CSMD1: variants seen among roughly 807,000 people sequenced by gnomAD.
CSMD1 encodes the protein CUB and sushi domain-containing protein 1.
In CSMD1, 213 loss-of-function variants were observed where a neutral mutation model predicts 417.5. The observed-to-expected ratio is 0.51, with a 90% CI of 0.46 to 0.57. CSMD1 has a LOEUF of 0.57. Ranked by LOEUF, CSMD1 falls within the 20% of genes least tolerant of loss-of-function variation. The pLI is 0.00. For missense variants in CSMD1, 6,923 were observed against 4,529.7 expected, an observed-to-expected ratio of 1.53 and a Z score of -15.17; for synonymous variants, 2,862 against 1,736.8, an observed-to-expected ratio of 1.65 and a Z score of -16.11.
intron 3 of CSMD1, among the ~76,000 whole-genome samples, chr8:4,262,006 A>G (rs545249096): frequency 6.6e-6 from 1 of 152,298 alleles, no homozygotes; most frequent in South Asian, 2.1e-4. Flanking sequence ...TGAAATTCTG[A>G]GACTGCTTAA....
At chr8:3,380,552 C>A (rs11777268) in intron 18 of CSMD1, among the ~76,000 whole-genome samples, 1 of 152,026 alleles carries the variant, frequency 6.6e-6, no homozygotes, top group Non-Finnish European at 1.5e-5. Context: ...TGGAATACTA[C>A]GCAGCCATAA....
intron 1 of CSMD1, among the ~76,000 whole-genome samples, chr8:4,671,058 C>T (rs1805291578): frequency 6.6e-6 from 1 of 152,304 alleles, no homozygotes; most frequent in African/African-American, 2.4e-5. Flanking sequence ...ACAGTCATTG[C>T]AAATATTACA....
intron 5 of CSMD1, among the ~76,000 whole-genome samples, chr8:3,789,843 T>G (rs996952297): frequency 1.3e-5 from 2 of 151,388 alleles, no homozygotes; most frequent in South Asian, 4.2e-4. Context: ...ACCATTCTCC[T>G]GCCTCAGCCT....
At chr8:3,510,182 G>A (rs886209056) in intron 10 of CSMD1, among the ~76,000 whole-genome samples, 1 of 149,502 alleles carries the variant, frequency 6.7e-6, no homozygotes, top group African/African-American at 2.6e-5. Context: ...AGGCAAGTAG[G>A]GTGTGCTGTA....
At chr8:3,448,276 G>C (rs938920181) in intron 12 of CSMD1, among the ~76,000 whole-genome samples, 2 of 92,536 alleles carry the variant, frequency 2.2e-5, no homozygotes, top group African/African-American at 4.0e-5. Context: ...GGACAAAAGA[G>C]GGACACACAT....
intron 3 of CSMD1, among the ~76,000 whole-genome samples, chr8:4,333,084 T>A (rs1799967298): frequency 6.6e-6 from 1 of 152,126 alleles, no homozygotes; most frequent in Admixed American, 6.6e-5. Context: ...ACTACTTTTT[T>A]CAGGATGGAA....
intron 5 of CSMD1, among the ~76,000 whole-genome samples, chr8:3,803,519 A>G (rs1800570724): frequency 6.6e-6 from 1 of 152,152 alleles, no homozygotes; most frequent in Non-Finnish European, 1.5e-5. Context: ...CAGAAAACCC[A>G]GGGGCTGGGC....
rs766701860 is a variant in CSMD1 at position 3,639,203 on chromosome 8, A to G, written c.1010-22406T>C. On this transcript the variant is annotated intron_variant, in intron 7 of 69. Transcript: ENST00000635120. ...ACAGAGTAAGTCAGAAAGTAAAGAC[A>G]CAGGCCTTGAGGTCTCTCTGTTGGA... Among the ~76,000 whole-genome samples the G allele has an allele frequency of 1.3e-4, 20 of 152,240 alleles. 1 individual carries two copies. The highest frequency in any genetic ancestry group is 2.9e-4 in the Non-Finnish European group (20 of 68,046).
intron 3 of CSMD1, among the ~76,000 whole-genome samples, chr8:4,383,807 A>G (rs963993305): frequency 2.0e-5 from 3 of 152,244 alleles, no homozygotes; most frequent in Admixed American, 6.5e-5. Context: ...CATATATAAT[A>G]CCAAATTATT....
At position 3,523,922 on chromosome 8, in the gene CSMD1, C is replaced by T. The variant is rs528205299; in HGVS notation, c.1345-30196G>A. On this transcript the variant is annotated intron_variant, in intron 10 of 69. Transcript: ENST00000635120. ...ATGCACACATGTACACGCACACACA[C>T]ATATGCATGCACACTCAGACACGTG... Among the ~76,000 whole-genome samples the T allele has an allele frequency of 2.6e-5, 4 of 151,608 alleles. No individual in the cohort carries two copies. The South Asian group carries it at 6.2e-4, about 24-fold the overall frequency.
At chr8:3,248,158 C>G (rs73185566) in intron 26 of CSMD1, among the ~76,000 whole-genome samples, 13,354 of 152,008 alleles carry the variant, frequency 0.088, 778 homozygotes, top group Non-Finnish European at 0.12. Context: ...TGAGATGTAG[C>G]GGTGTGACAA....
intron 2 of CSMD1, among the ~76,000 whole-genome samples, chr8:4,623,064 G>A (rs1801872710): frequency 6.6e-6 from 1 of 152,100 alleles, no homozygotes; most frequent in African/African-American, 2.4e-5. Context: ...AAGGATAAAT[G>A]TTGGTGGAAG....
At chr8:3,885,614 T>C (rs1806508660) in intron 5 of CSMD1, among the ~76,000 whole-genome samples, 1 of 152,168 alleles carries the variant, frequency 6.6e-6, no homozygotes, top group African/African-American at 2.4e-5. Flanking sequence ...ATGATGAGCG[T>C]CTGCTCCTTT....
chr8:3,440,350 G>C (rs747315772), intron 12 of CSMD1, among the ~76,000 whole-genome samples: 1 of 152,118 alleles, frequency 6.6e-6, no homozygotes, highest in African/African-American at 2.4e-5. Flanking sequence ...TTCAGTCTAT[G>C]AGTCCTATAC....
chr8:4,361,478 G>C (rs576683144), intron 3 of CSMD1, among the ~76,000 whole-genome samples: 2 of 151,980 alleles, frequency 1.3e-5, no homozygotes, highest in Non-Finnish European at 1.5e-5. Flanking sequence ...CGACATTATT[G>C]CATTTCCACT....
intron 5 of CSMD1, among the ~76,000 whole-genome samples, chr8:3,961,381 C>T (rs770259085): frequency 2.0e-5 from 3 of 152,310 alleles, no homozygotes; most frequent in South Asian, 4.1e-4. Flanking sequence ...ATTATCTAGA[C>T]TCCACTGTAC....
At chr8:3,476,017 G>C (rs1367303203) in intron 11 of CSMD1, among the ~76,000 whole-genome samples, 2 of 152,278 alleles carry the variant, frequency 1.3e-5, no homozygotes, top group Admixed American at 6.5e-5. Flanking sequence ...TTGCTAAATG[G>C]TTCAATAGTT....
At chr8:4,478,353 C>T (rs1003055942) in intron 2 of CSMD1, among the ~76,000 whole-genome samples, 1 of 152,122 alleles carries the variant, frequency 6.6e-6, no homozygotes, top group Non-Finnish European at 1.5e-5. Context: ...ATCTTCTAAG[C>T]TCTGGGAAAT....
intron 5 of CSMD1, among the ~76,000 whole-genome samples, chr8:3,763,583 G>A (rs1297297972): frequency 6.6e-6 from 1 of 152,166 alleles, no homozygotes; most frequent in African/African-American, 2.4e-5. Context: ...GTTTGGTACA[G>A]CCTGTGGAAT....
Sources: gnomAD v4.1 joint callset for allele counts (sites outside exome capture counted in the v4.1 genomes callset) on GRCh38, gnomAD v4.1.1 for gene constraint, MANE v1.5 for transcripts, NCBI Gene and HGNC (gene_info 2026-07-23, HGNC 2026-07-21) for gene names.